The following MRC1 variants were observed in gnomAD, a reference collection of about 807,000 sequenced individuals.
The protein encoded by MRC1 is macrophage mannose receptor 1.
In MRC1, 62 loss-of-function variants were observed where a neutral mutation model predicts 102.9. That is an observed-to-expected ratio of 0.60 (90% confidence interval 0.49 to 0.74). The LOEUF is 0.74. MRC1 is among the 30% of genes least tolerant of loss of function. The probability of loss-of-function intolerance (pLI) is 0.00; values close to 1 mark genes in which losing one functional copy is unlikely to be tolerated. For missense variants in MRC1, 1,237 were observed against 862.8 expected (o/e 1.43, Z -5.43); for synonymous variants, 457 against 298.4 (o/e 1.53, Z -5.48).
intron 23 of MRC1, among the ~76,000 whole-genome samples, chr10:17,894,738 T>C (rs1362296692): frequency 1.3e-5 from 2 of 152,154 alleles, no homozygotes; most frequent in Admixed American, 1.3e-4. Flanking sequence ...AGTTCCAGGA[T>C]ACATGTACAG....
In MRC1 at chr10:17,863,654, G is replaced by C. The variant is rs973776008; in HGVS notation, c.1755G>C (p.Arg585=). The change falls in exon 11 of 30, where the codon CGG becomes CGC. Residue 585 remains arginine (R), a synonymous_variant. Transcript: ENST00000569591. The stretch of plus-strand genomic sequence containing the variant: ...AGTGGACCATCGAGGAAGAGGTTCG[G>C]TTCACCCACTGGAATTCAGATATGC... ...TFQWTIEEEV[R]FTHWNSDMPG... The C allele has an allele frequency of 3.8e-3, 3,005 of 780,778 alleles. 61 individuals are homozygous for C. The African/African-American group carries it at 0.043, about 11-fold the overall frequency. The allele number at this position is 780,778 out of a possible 1,614,324, so 48.4% of individuals were successfully genotyped here.
chr10:17,901,036 G>A, intron 25 of MRC1, 83 bp downstream of exon 25: 1 of 726,798 alleles, frequency 1.4e-6, no homozygotes, highest in Non-Finnish European at 2.5e-6. Flanking sequence ...TTATTAAACA[G>A]TAATGTGTCT....
rs1833550594 is a variant in MRC1, at chr10:17,883,727, A to C, written c.2981-1542A>C. On this transcript the variant is annotated intron_variant, in intron 21 of 29. Coordinates refer to ENST00000569591, the MANE Select transcript of MRC1 (RefSeq NM_002438.4). Reference sequence around the variant, plus strand: ...GATGTGTTTAAGTGTAAATGTTTGCAAAGTGTTGTTCAGTAGAGTAGGTAC... The same window carrying C: ...GATGTGTTTAAGTGTAAATGTTTGCCAAGTGTTGTTCAGTAGAGTAGGTAC... Among the ~76,000 whole-genome samples the C allele has an allele frequency of 3.9e-5, 6 of 152,296 alleles. No homozygotes were observed. In the South Asian group the frequency reaches 1.2e-3, roughly 32 times the overall value.
rs1416564663 is a variant in MRC1 at position 17,906,951 on chromosome 10, C to T, written c.3865C>T (p.Leu1289Phe). 4 of 826,748 alleles carry T rather than the reference C, an allele frequency of 4.8e-6. No homozygotes were observed. Among genetic ancestry groups the T allele is most frequent in the Non-Finnish European group, 8.7e-6 (4 of 460,216 alleles). 51.2% of individuals were successfully genotyped at this position (826,748 alleles called of 1,614,324 possible). ...TTTTCTGTCATATCGGGTTGAGCCACTTAAAAGTAAAACCAATTTTTGGAT... is the reference window on the plus strand; with the variant it reads ...TTTTCTGTCATATCGGGTTGAGCCATTTAAAAGTAAAACCAATTTTTGGAT... ...SSFLSYRVEP[L>F]KSKTNFWIGL... is the part of the protein sequence containing the mutation. Residue 1289 changes from leucine to phenylalanine, a missense_variant, in exon 27 of 30, where the codon CTT (leucine) becomes TTT (phenylalanine). Leu to Phe is a conservative substitution (Grantham distance 22). Transcript: ENST00000569591.
At chr10:17,846,559 C>G (rs1838828610) in intron 6 of MRC1, among the ~76,000 whole-genome samples, 1 of 152,172 alleles carries the variant, frequency 6.6e-6, no homozygotes, top group Non-Finnish European at 1.5e-5. Context: ...CTACCTCTCA[C>G]CTGTAACACC....
intron 26 of MRC1, 61 bp from the exon 27 acceptor site, chr10:17,906,825 C>CA: frequency 1.3e-6 from 1 of 780,346 alleles, no homozygotes; most frequent in Non-Finnish European, 2.4e-6. Flanking sequence ...GTGCTGTTTA[C>CA]AAAAATATTT....
At chr10:17,859,387 G>A (rs1230273278) in intron 9 of MRC1, among the ~76,000 whole-genome samples, 8 of 152,044 alleles carry the variant, frequency 5.3e-5, no homozygotes, top group East Asian at 1.9e-4. Flanking sequence ...GCATGATCTC[G>A]GCTCAGCGCA....
chr10:17,814,091 C>T (rs998702174), intron 1 of MRC1, among the ~76,000 whole-genome samples: 14 of 152,248 alleles, frequency 9.2e-5, no homozygotes, highest in Middle Eastern at 3.4e-3. Flanking sequence ...GGACCCATAG[C>T]TTCCCATAAA....
At chr10:17,812,521 C>T (rs944910831) in intron 1 of MRC1, among the ~76,000 whole-genome samples, 2 of 149,438 alleles carry the variant, frequency 1.3e-5, no homozygotes, top group Non-Finnish European at 3.0e-5. Context: ...AAGCTACTGA[C>T]TTGATGCCCC....
At chr10:17,907,796 A>T in intron 28 of MRC1, 98 bp downstream of exon 28, 1 of 743,184 alleles carries the variant, frequency 1.3e-6, no homozygotes. Flanking sequence ...TTACGAGGCC[A>T]TTGGAAGCTC....
At chr10:17,850,761 T>C (rs1838902444) in intron 7 of MRC1, among the ~76,000 whole-genome samples, 1 of 152,052 alleles carries the variant, frequency 6.6e-6, no homozygotes, top group Non-Finnish European at 1.5e-5. Context: ...TGGAAACTGA[T>C]TGGGGCTGGG....
chr10:17,869,860 A>C (rs964856825), intron 12 of MRC1, among the ~76,000 whole-genome samples: 4 of 152,158 alleles, frequency 2.6e-5, no homozygotes, highest in Non-Finnish European at 2.9e-5. Context: ...CTTCTTCTTC[A>C]TGTTTACTTT....
intron 28 of MRC1, 64 bp downstream of exon 28, chr10:17,907,762 A>G (rs1833915224): frequency 2.6e-6 from 2 of 776,372 alleles, no homozygotes; most frequent in Non-Finnish European, 4.8e-6. Context: ...ATAGTAAGAT[A>G]TCAGGTATGG....
At chr10:17,830,468 G>A (rs1470531234) in intron 3 of MRC1, among the ~76,000 whole-genome samples, 2 of 151,414 alleles carry the variant, frequency 1.3e-5, no homozygotes, top group African/African-American at 4.9e-5. Flanking sequence ...AAAGTGGCAG[G>A]TTTTATACAG....
chr10:17,876,168 G>T (rs2130684054), intron 17 of MRC1, among the ~76,000 whole-genome samples: 1 of 152,150 alleles, frequency 6.6e-6, no homozygotes. Flanking sequence ...AGATGGGAAT[G>T]CAGGAGAAGG....
intron 3 of MRC1, among the ~76,000 whole-genome samples, chr10:17,832,665 G>T (rs1200056626): frequency 3.3e-5 from 5 of 149,748 alleles, no homozygotes; most frequent in South Asian, 2.1e-4. Flanking sequence ...TCGGCTCACT[G>T]CAAGCTCCGC....
intron 3 of MRC1, among the ~76,000 whole-genome samples, chr10:17,832,488 G>A (rs1838590061): frequency 1.3e-5 from 2 of 150,058 alleles, no homozygotes. Context: ...CCGGGAGGCG[G>A]AGCTTGCAGT....
chr10:17,820,368 G>T (rs1378723428), intron 1 of MRC1, among the ~76,000 whole-genome samples: 2 of 152,116 alleles, frequency 1.3e-5, no homozygotes, highest in African/African-American at 4.8e-5. Flanking sequence ...ATTAGAAAGA[G>T]AAGTTTGGAT....
intron 8 of MRC1, among the ~76,000 whole-genome samples, chr10:17,855,621 G>T (rs1487904572): frequency 2.7e-5 from 4 of 146,310 alleles, no homozygotes; most frequent in African/African-American, 1.0e-4. Context: ...AACCTCTTGC[G>T]AGCACCGTCA....
Sources: allele counts gnomAD v4.1 joint callset (sites outside exome capture counted in the v4.1 genomes callset), GRCh38; gene constraint gnomAD v4.1.1; transcripts MANE v1.5; gene names NCBI Gene and HGNC (gene_info 2026-07-23, HGNC 2026-07-21).